NOL6: variants seen among roughly 807,000 people sequenced by gnomAD.
NOL6 encodes the protein nucleolar RNA-associated protein.
A neutral mutation model predicts 131.7 loss-of-function variants in NOL6; 33 were observed. The observed-to-expected ratio is 0.25, with a 90% confidence interval of 0.19 to 0.33. The LOEUF is 0.33. Among genes scored for constraint, NOL6 ranks in the 10% least tolerant of loss-of-function variants. The pLI, the probability that NOL6 is intolerant of heterozygous loss-of-function variation, is 1.00. For synonymous variants in NOL6, 580 were observed against 605.7 expected (o/e 0.96, Z 0.62); for missense variants, 1,297 against 1,494.5 (o/e 0.87, Z 2.18).
rs1827106184 is a variant in NOL6 at position 33,462,032 on chromosome 9, T to G, written c.*632A>C. On this transcript the variant is annotated 3_prime_UTR_variant, in exon 26 of 26. Coordinates refer to ENST00000297990, the MANE Select transcript of NOL6 (RefSeq NM_022917.5). ...GGTGACTACCAGTCCCCTGACCCCTTCACCTACCCAATCCTTTCCTGTCCT... is the reference window on the plus strand; with the variant it reads ...GGTGACTACCAGTCCCCTGACCCCTGCACCTACCCAATCCTTTCCTGTCCT... The G allele has an allele frequency of 1.5e-6, 1 of 674,968 alleles. No individual in the cohort carries two copies. Among genetic ancestry groups the G allele is most frequent in the South Asian group, 1.6e-5 (1 of 61,552 alleles). The allele number at this position is 674,968 out of a possible 1,614,324, so 41.8% of individuals were successfully genotyped here. A position where few individuals can be genotyped will look rare whatever the true frequency, so the allele number is the denominator to read the frequency against.
Position 33,472,248 on chromosome 9 carries a change from C to T in NOL6, c.219G>A (p.Arg73=), listed in dbSNP as rs2119034866. The change falls in exon 2 of 26, where the codon CGG becomes CGA. Residue 73 remains arginine, a synonymous_variant. Transcript: ENST00000297990. The part of the protein sequence containing the change: ...EPTNEELNRL[R]ETEILFHSSL... ...TGGAGTGGAACAAGATCTCAGTCTC[C>T]CGAAGGCGATTAAGCTCCTCATTGG... 1 of 1,614,202 alleles carries T rather than the reference C, an allele frequency of 6.2e-7. No homozygotes were observed. Among genetic ancestry groups the T allele is most frequent in the South Asian group, 1.1e-5 (1 of 91,084 alleles).
At chr9:33,472,968 C>CAAAAA (rs398040337) in intron 1 of NOL6, among the ~76,000 whole-genome samples, 1 of 70,924 alleles carries the variant, frequency 1.4e-5, no homozygotes, top group African/African-American at 4.1e-5. Context: ...GCAAGACTGT[C>CAAAAA]AAAAAAAAAA....
In NOL6 at chr9:33,468,001, C is replaced by T. The variant is rs540456669; in HGVS notation, c.1424+29G>A. 55 of 1,614,018 alleles carry T rather than the reference C, an allele frequency of 3.4e-5. 1 individual carries two copies. In the South Asian group the frequency reaches 5.7e-4, roughly 17 times the overall value. ...TGTAGCCCCGAAGAGACAGGACCCG[C>T]CAACATACCCTGTCACCCCTAAACT... On this transcript the variant is annotated intron_variant, in intron 11 of 25. Coordinates refer to ENST00000297990, the MANE Select transcript of NOL6 (RefSeq NM_022917.5).
chr9:33,473,177 G>T (rs77648228), intron 1 of NOL6, among the ~76,000 whole-genome samples: 2,136 of 152,174 alleles, frequency 0.014, 38 homozygotes, highest in East Asian at 0.046. Flanking sequence ...ACTCACTGAT[G>T]GAAGGAGCTA....
chr9:33,463,877 A>C lies in NOL6; in HGVS notation c.2948T>G (p.Met983Arg), dbSNP rs1439999984. 2 of 1,614,040 alleles carry C rather than the reference A, an allele frequency of 1.2e-6. No individual in the cohort carries two copies. The highest frequency in any genetic ancestry group is 1.7e-5 in the Admixed American group (1 of 60,016). ...GGGATCCATGAGCTGCTTCTCTAAC[A>C]TGGGCAGGGCTTCAGCTGCCAGGAC... is the stretch of plus-strand genomic sequence containing the variant. ...LVVLAAEALP[M>R]LEKQLMDPRG... The change falls in exon 23 of 26, where the codon ATG (methionine) becomes AGG (arginine). Residue 983 changes from methionine (M) to arginine (R), a missense_variant. Transcript: ENST00000297990.
chr9:33,471,906 C>T, intron 3 of NOL6, 98 bp downstream of exon 3: 1 of 894,144 alleles, frequency 1.1e-6, no homozygotes, highest in Non-Finnish European at 1.9e-6. Flanking sequence ...GCTCCCTGCA[C>T]CCCAACCCTT....
At position 33,473,910 on chromosome 9, in the gene NOL6, T is replaced by C; in HGVS notation, c.-68A>G. 1.3e-6 allele frequency: 2 copies of C among 1,569,858 alleles called. No homozygotes were observed. The highest frequency in any genetic ancestry group is 2.3e-5 in the East Asian group (1 of 44,260). ...GGTCTATACCTCATAGCTTCCCACG[T>C]GGGCGGAAATGCCTAACTCCAGGCC... On this transcript the variant is annotated 5_prime_UTR_variant, in exon 1 of 26. Transcript: ENST00000297990.
Position 33,461,982 on chromosome 9 carries a change from T to G in NOL6, c.*682A>C. The G allele has an allele frequency of 1.7e-6, 1 of 597,034 alleles. No individual in the cohort carries two copies. The highest frequency in any genetic ancestry group is 2.8e-5 in the East Asian group (1 of 35,824). The allele number at this position is 597,034 out of a possible 1,614,324, so 37.0% of individuals were successfully genotyped here. On this transcript the variant is annotated 3_prime_UTR_variant, in exon 26 of 26. Transcript: ENST00000297990. ...GATGCAGCTAACGGGTAGCCCCCAG[T>G]GCTTTTTGCACCTCTCCAAGATTGG...
chr9:33,470,125 T>C lies in NOL6; in HGVS notation c.445A>G (p.Lys149Glu). Residue 149 changes from lysine to glutamate, a missense_variant, in exon 4 of 26, where the codon AAG becomes GAG. Lys to Glu is a moderately conservative substitution (Grantham distance 56). Coordinates refer to ENST00000297990, the MANE Select transcript of NOL6 (RefSeq NM_022917.5). ...GGGGGCAGGAAGCGGAAACAGCCCT[T>C]CACGGCATAGGGCACTTGGTGGAGG... ...VPLHQVPYAV[K>E]GCFRFLPPAQ... The C allele has an allele frequency of 6.2e-7, 1 of 1,612,664 alleles. No homozygotes were observed. Among genetic ancestry groups the C allele is most frequent in the Non-Finnish European group, 8.5e-7 (1 of 1,179,106 alleles).
chr9:33,463,989 T>C, intron 22 of NOL6, 48 bp downstream of exon 22: 2 of 1,612,764 alleles, frequency 1.2e-6, no homozygotes, highest in East Asian at 2.2e-5. Flanking sequence ...GGCCTGCTTT[T>C]TCCTTGGGAA....
chr9:33,466,501 A>T, intron 16 of NOL6, 68 bp downstream of exon 16: 1 of 1,611,862 alleles, frequency 6.2e-7, no homozygotes, highest in South Asian at 1.1e-5. Context: ...GGAAGTGGGG[A>T]ATACTGGGTG....
In NOL6 at chr9:33,473,801, A is replaced by C. The variant is rs754253206; in HGVS notation, c.42T>G (p.Thr14=). ...APAGEQLRGA[T]GEPEVMEPAL... ...TGGCTCAACCCACCTCTGGCTCTCCAGTCGCTCCGCGAAGCTGCTCTCCAG... is the reference window on the plus strand; with the variant it reads ...TGGCTCAACCCACCTCTGGCTCTCCCGTCGCTCCGCGAAGCTGCTCTCCAG... Residue 14 remains threonine, a synonymous_variant, in exon 1 of 26, where the codon ACT becomes ACG. Transcript: ENST00000297990. 2 of 1,611,956 alleles carry C rather than the reference A, an allele frequency of 1.2e-6. No homozygotes were observed. The highest frequency in any genetic ancestry group is 1.7e-6 in the Non-Finnish European group (2 of 1,180,014).
intron 1 of NOL6, among the ~76,000 whole-genome samples, 173 bp downstream of exon 1, chr9:33,473,616 C>A (rs1441795324): frequency 6.6e-6 from 1 of 152,260 alleles, no homozygotes; most frequent in Non-Finnish European, 1.5e-5. Flanking sequence ...CAAATACTGC[C>A]AGGTTCCATC....
chr9:33,463,283 G>C lies in NOL6; in HGVS notation c.3153C>G (p.Gly1051=). 6.2e-7 allele frequency: 1 copy of C among 1,614,048 alleles called. No individual in the cohort carries two copies. Among genetic ancestry groups the C allele is most frequent in the Non-Finnish European group, 8.5e-7 (1 of 1,179,952 alleles). Residue 1051 remains glycine (G), a synonymous_variant, in exon 24 of 26, where the codon GGC becomes GGG. Coordinates refer to ENST00000297990, the MANE Select transcript of NOL6 (RefSeq NM_022917.5). ...TCAGATAGAGCTGAGGAGGATCATA[G>C]CCCAGCACGGGCATCAGGGATGAGG... The part of the protein sequence containing the change: ...PGPSSLMPVL[G]YDPPQLYLTQ...
At chr9:33,471,660 A>C (rs1395107913) in intron 3 of NOL6, among the ~76,000 whole-genome samples, 1 of 152,110 alleles carries the variant, frequency 6.6e-6, no homozygotes, top group African/African-American at 2.4e-5. Flanking sequence ...TAATACTCCC[A>C]ATCCCCTTAC....
At position 33,462,536 on chromosome 9, in the gene NOL6, A is replaced by G; in HGVS notation, c.*128T>C. Reference sequence around the variant, plus strand: ...GGCTGGGTTTTGTTGGAGATGATTCAGCATGTTCAGCCAGCAGGCCCTCCA... The same window carrying G: ...GGCTGGGTTTTGTTGGAGATGATTCGGCATGTTCAGCCAGCAGGCCCTCCA... On this transcript the variant is annotated 3_prime_UTR_variant, in exon 26 of 26. Coordinates refer to ENST00000297990, the MANE Select transcript of NOL6 (RefSeq NM_022917.5). 2 of 1,062,630 alleles carry G rather than the reference A, an allele frequency of 1.9e-6. No individual in the cohort carries two copies. The highest frequency in any genetic ancestry group is 2.7e-6 in the Non-Finnish European group (2 of 728,546). 65.8% of individuals were successfully genotyped at this position (1,062,630 alleles called of 1,614,324 possible). A position where few individuals can be genotyped will look rare whatever the true frequency, so the allele number is the denominator to read the frequency against.
At chr9:33,466,447 G>C (rs777954155) in intron 16 of NOL6, 22 bp from the exon 17 acceptor site, 2 of 1,613,660 alleles carry the variant, frequency 1.2e-6, no homozygotes, top group Non-Finnish European at 1.7e-6. Context: ...GAGGGGCTGA[G>C]GAATGGGCCT....
intron 3 of NOL6, among the ~76,000 whole-genome samples, chr9:33,471,133 G>A (rs1054963376): frequency 2.0e-5 from 3 of 152,098 alleles, no homozygotes; most frequent in African/African-American, 4.8e-5. Flanking sequence ...AAAATTAGCC[G>A]GGTGTGATAA....
Position 33,461,404 on chromosome 9 carries a change from G to A in NOL6, c.*1260C>T, listed in dbSNP as rs907187826. ...CAAGGAGTTTACATACAAGAAACCA[G>A]GTTAAAATTATGTGAAAGGGGCAGA... On this transcript the variant is annotated 3_prime_UTR_variant, in exon 26 of 26. Transcript: ENST00000297990. The A allele has an allele frequency of 6.6e-6, 1 of 152,200 alleles. No homozygotes were observed. The highest frequency in any genetic ancestry group is 1.5e-5 in the Non-Finnish European group (1 of 68,070). The allele number at this position is 152,200 out of a possible 1,614,324, so 9.4% of individuals were successfully genotyped here. A position where few individuals can be genotyped will look rare whatever the true frequency, so the allele number is the denominator to read the frequency against.
Sources: allele counts gnomAD v4.1 joint callset (sites outside exome capture counted in the v4.1 genomes callset), GRCh38; gene constraint gnomAD v4.1.1; transcripts MANE v1.5; gene names NCBI Gene and HGNC (gene_info 2026-07-23, HGNC 2026-07-21).